The following NCAPG variants were observed in gnomAD, a reference collection of about 807,000 sequenced individuals.
NCAPG encodes condensin complex subunit 3.
A neutral mutation model predicts 113.1 loss-of-function variants in NCAPG; 69 were observed. The ratio of observed to expected loss-of-function variants is 0.61; its 90% confidence interval spans 0.50 to 0.75. The LOEUF is 0.75. Ranked by LOEUF, NCAPG falls within the 30% of genes least tolerant of loss-of-function variation. The probability of loss-of-function intolerance (pLI) is 0.00; values close to 1 mark genes in which losing one functional copy is unlikely to be tolerated. For missense variants in NCAPG, 1,058 were observed against 1,177.0 expected (o/e 0.90, Z 1.48); for synonymous variants, 370 against 415.8 (o/e 0.89, Z 1.34).
chr4:17,812,518 A>T, intron 2 of NCAPG, 94 bp downstream of exon 2: 1 of 889,048 alleles, frequency 1.1e-6, no homozygotes, highest in East Asian at 2.6e-5. Flanking sequence ...ACAATGAAAT[A>T]TCTAGTGATT....
Position 17,843,387 on chromosome 4 carries a change from CT to C in NCAPG, c.3012del (p.Asn1005ThrfsTer10). The C allele has an allele frequency of 6.2e-7, 1 of 1,611,888 alleles. No individual in the cohort carries two copies. The highest frequency in any genetic ancestry group is 2.2e-5 in the East Asian group (1 of 44,828). On this transcript the variant is annotated frameshift_variant, in exon 21 of 21. Transcript: ENST00000251496. LOFTEE classifies it high-confidence loss of function. ...AKTAALEKSK[L>X]NLAQFLNEDL... ...AACCGCAGCACTAGAAAAAAGTAAA[CT>C]TAACCTTGCCCAATTTCTCAATGAA... is the stretch of plus-strand genomic sequence containing the variant.
At position 17,813,096 on chromosome 4, in the gene NCAPG, G is replaced by A. The variant is rs754981968; in HGVS notation, c.495G>A (p.Ala165=). The change falls in exon 3 of 21, where the codon GCG becomes GCA. Residue 165 remains alanine, a synonymous_variant. Coordinates refer to ENST00000251496, the MANE Select transcript of NCAPG (RefSeq NM_022346.5). ...ATGTGAGAATACAGGCAGTTCTGGC[G>A]CTTTCACGACTTCAGGATCCCAAGG... is the stretch of plus-strand genomic sequence containing the variant. The part of the protein sequence containing the change: ...IPNVRIQAVL[A]LSRLQDPKDD... 1.3e-5 allele frequency: 21 copies of A among 1,614,012 alleles called. No individual in the cohort carries two copies. The highest frequency in any genetic ancestry group is 5.5e-5 in the South Asian group (5 of 91,078).
intron 5 of NCAPG, among the ~76,000 whole-genome samples, chr4:17,816,685 G>A (rs1721225681): frequency 6.6e-6 from 1 of 152,130 alleles, no homozygotes; most frequent in Non-Finnish European, 1.5e-5. Flanking sequence ...CATATTCTGG[G>A]CTAACACCTG....
Position 17,841,992 on chromosome 4 carries a change from C to T in NCAPG, c.2855-318C>T. ...TTGTGCTATAGCAATAATAGAGGTA[C>T]TTCATTATAACACATTTTTCATATA... On this transcript the variant is annotated intron_variant, in intron 19 of 20. Transcript: ENST00000251496. The T allele has an allele frequency of 1.3e-5, 3 of 225,438 alleles. No homozygotes were observed. In the South Asian group the frequency reaches 2.0e-4, roughly 15 times the overall value. 14.0% of individuals were successfully genotyped at this position (225,438 alleles called of 1,614,324 possible). A position where few individuals can be genotyped will look rare whatever the true frequency, so the allele number is the denominator to read the frequency against.
At position 17,834,066 on chromosome 4, in the gene NCAPG, A is replaced by C. The variant is rs1191725667; in HGVS notation, c.1885-233A>C. On this transcript the variant is annotated intron_variant, in intron 13 of 20. Coordinates refer to ENST00000251496, the MANE Select transcript of NCAPG (RefSeq NM_022346.5). ...AAATTTTTATTGACTGTGAAGATTA[A>C]CTTTGTCTTAAAGTATATAGCTCTA... 4.6e-5 allele frequency among the ~76,000 whole-genome samples: 7 copies of C among 152,220 alleles called. No homozygotes were observed. The East Asian group carries it at 1.3e-3, about 29-fold the overall frequency.
rs968253993 is a variant in NCAPG, at chr4:17,844,144, T to C, written c.*719T>C. On this transcript the variant is annotated 3_prime_UTR_variant, in exon 21 of 21. Coordinates refer to ENST00000251496, the MANE Select transcript of NCAPG (RefSeq NM_022346.5). Reference sequence around the variant, plus strand: ...GCATAACAAAATAATATTTATTTACTGTGGATAATAATTCTAGTGGGAATA... The same window carrying C: ...GCATAACAAAATAATATTTATTTACCGTGGATAATAATTCTAGTGGGAATA... 4 of 152,032 alleles carry C rather than the reference T, an allele frequency of 2.6e-5. No homozygotes were observed. The East Asian group carries it at 7.7e-4, about 29-fold the overall frequency. The allele number at this position is 152,032 out of a possible 1,614,324, so 9.4% of individuals were successfully genotyped here.
rs374520031 is a variant in NCAPG, at chr4:17,825,365, T to C, written c.1474-17T>C. The C allele has an allele frequency of 3.8e-6, 6 of 1,571,162 alleles. No homozygotes were observed. Among genetic ancestry groups the C allele is most frequent in the South Asian group, 1.2e-5 (1 of 84,308 alleles). On this transcript the variant is annotated splice_polypyrimidine_tract_variant and intron_variant, in intron 10 of 20. Transcript: ENST00000251496. Reference sequence around the variant, plus strand: ...CAGTTTTTGTTCAGTGTTGAAACAATTTATATCTTCCCTTAGATGGCTGAA... The same window carrying C: ...CAGTTTTTGTTCAGTGTTGAAACAACTTATATCTTCCCTTAGATGGCTGAA...
Position 17,825,680 on chromosome 4 carries a change from G to A in NCAPG, c.1653+119G>A, listed in dbSNP as rs975747635. On this transcript the variant is annotated intron_variant, in intron 11 of 20. Coordinates refer to ENST00000251496, the MANE Select transcript of NCAPG (RefSeq NM_022346.5). ...TTTACTTTGAGCACTTTGTAATAGT[G>A]ACATGAATTAAAATGAAAAAAGTTT... The A allele has an allele frequency of 4.8e-6, 4 of 840,312 alleles. No individual in the cohort carries two copies. The African/African-American group carries it at 7.2e-5, about 15-fold the overall frequency. 52.1% of individuals were successfully genotyped at this position (840,312 alleles called of 1,614,324 possible). A position where few individuals can be genotyped will look rare whatever the true frequency, so the allele number is the denominator to read the frequency against.
In NCAPG at chr4:17,812,271, T is replaced by C. The variant is rs1257794621; in HGVS notation, c.162T>C (p.Tyr54=). The C allele has an allele frequency of 1.2e-5, 19 of 1,613,568 alleles. No homozygotes were observed. The highest frequency in any genetic ancestry group is 1.5e-5 in the Non-Finnish European group (18 of 1,179,810). ...FHEEFIHYLK[Y]VMVVYKREPA... is the part of the protein sequence containing the mutation. ...AGGAGTTCATTCATTACCTTAAATA[T>C]GTTATGGTGGTCTATAAACGTGAAC... Residue 54 remains tyrosine, a synonymous_variant, in exon 2 of 21, where the codon TAT becomes TAC. Transcript: ENST00000251496.
At chr4:17,827,805 CTTT>C (rs757341298) in intron 11 of NCAPG, among the ~76,000 whole-genome samples, 26 of 126,198 alleles carry the variant, frequency 2.1e-4, no homozygotes, top group Non-Finnish European at 3.0e-4. Flanking sequence ...GAAGATTAGA[CTTT>C]TTTTTTTTTT....
chr4:17,844,214 G>C lies in NCAPG; in HGVS notation c.*789G>C, dbSNP rs1259097699. 2.6e-5 allele frequency: 4 copies of C among 152,288 alleles called. No individual in the cohort carries two copies. The highest frequency in any genetic ancestry group is 9.7e-5 in the African/African-American group (4 of 41,410). The allele number at this position is 152,288 out of a possible 1,614,324, so 9.4% of individuals were successfully genotyped here. On this transcript the variant is annotated 3_prime_UTR_variant, in exon 21 of 21. Coordinates refer to ENST00000251496, the MANE Select transcript of NCAPG (RefSeq NM_022346.5). ...CTTTATATACGCTACCAATTTATGA[G>C]CACTATTCACTGTCAATTTCATTTC...
At chr4:17,818,669 T>C (rs1721318548) in intron 7 of NCAPG, among the ~76,000 whole-genome samples, 1 of 152,222 alleles carries the variant, frequency 6.6e-6, no homozygotes, top group Non-Finnish European at 1.5e-5. Flanking sequence ...GCACGGAACA[T>C]TGTTTTCCAA....
At chr4:17,830,179 C>T (rs1367521629) in intron 12 of NCAPG, among the ~76,000 whole-genome samples, 1 of 151,984 alleles carries the variant, frequency 6.6e-6, no homozygotes, top group Non-Finnish European at 1.5e-5. Flanking sequence ...ATGGCTTGAG[C>T]TCAGGAGTTT....
Position 17,818,105 on chromosome 4 carries a change from T to G in NCAPG, c.1118+17T>G. The G allele has an allele frequency of 1.9e-6, 3 of 1,591,868 alleles. No individual in the cohort carries two copies. Among genetic ancestry groups the G allele is most frequent in the Non-Finnish European group, 2.6e-6 (3 of 1,171,160 alleles). On this transcript the variant is annotated intron_variant, in intron 7 of 20. Transcript: ENST00000251496. ...TTTATTGAGGTAAATTTTTTTTCTT[T>G]TAGTTTGGAGAGTGATTGTGTTGCT...
rs1448065149 is a variant in NCAPG, at chr4:17,811,137, G to T, written c.60G>T (p.Pro20=). 5 of 1,518,166 alleles carry T rather than the reference G, an allele frequency of 3.3e-6. No individual in the cohort carries two copies. The South Asian group carries it at 6.2e-5, about 19-fold the overall frequency. The allele number at this position is 1,518,166 out of a possible 1,614,324, so 94.0% of individuals were successfully genotyped here. A position where few individuals can be genotyped will look rare whatever the true frequency, so the allele number is the denominator to read the frequency against. The change falls in exon 1 of 21, where the codon CCG becomes CCT. Residue 20 remains proline (P), a synonymous_variant. Coordinates refer to ENST00000251496, the MANE Select transcript of NCAPG (RefSeq NM_022346.5). This position sits in a 1 kb window ranked among gnomAD's most constrained non-coding sequence, Gnocchi z 5.3. The stretch of plus-strand genomic sequence containing the variant: ...AGGCCTTTCGGCTGGCGCAGCAGCC[G>T]CACCAGAACCAGGCGAAGCTGGTGG... ...IKEAFRLAQQ[P]HQNQAKLVVA...
At chr4:17,828,973 G>A (rs988676097) in intron 12 of NCAPG, among the ~76,000 whole-genome samples, 3 of 150,010 alleles carry the variant, frequency 2.0e-5, no homozygotes, top group Non-Finnish European at 4.4e-5. Context: ...GATAATTTTA[G>A]TATATTGAAT....
intron 4 of NCAPG, 98 bp from the exon 5 acceptor site, chr4:17,815,176 T>C: frequency 7.7e-7 from 1 of 1,290,992 alleles, no homozygotes; most frequent in South Asian, 1.4e-5. Flanking sequence ...TATTAATTTC[T>C]TTTGGAGATT....
chr4:17,826,635 T>G (rs1721668009), intron 11 of NCAPG, among the ~76,000 whole-genome samples: 1 of 152,234 alleles, frequency 6.6e-6, no homozygotes, highest in African/African-American at 2.4e-5. Flanking sequence ...CTGTTTAACT[T>G]GACTTGCTTT....
chr4:17,824,839 A>G, intron 9 of NCAPG, 129 bp from the exon 10 acceptor site: 1 of 561,482 alleles, frequency 1.8e-6, no homozygotes, highest in Non-Finnish European at 3.1e-6. Context: ...AATGTGTGCT[A>G]TTTCTACCAG....
Sources: gnomAD v4.1 joint callset for allele counts (sites outside exome capture counted in the v4.1 genomes callset) on GRCh38, gnomAD v4.1.1 for gene constraint, Gnocchi (gnomAD v3.1) non-coding constraint, MANE v1.5 for transcripts, NCBI Gene and HGNC (gene_info 2026-07-23, HGNC 2026-07-21) for gene names.